R3HCC1: variants seen among roughly 807,000 people sequenced by gnomAD.
The protein encoded by R3HCC1 is R3H and coiled-coil domain-containing protein 1.
A neutral mutation model predicts 40.0 loss-of-function variants in R3HCC1; 32 were observed. That is an observed-to-expected ratio of 0.80 (90% CI 0.60 to 1.07). R3HCC1 has a LOEUF of 1.07. Ranked by LOEUF, R3HCC1 falls within the 50% of genes least tolerant of loss-of-function variation. R3HCC1 has a pLI of 0.00. For synonymous variants in R3HCC1, 237 were observed against 232.8 expected, an observed-to-expected ratio of 1.02 and a Z score of -0.17; for missense variants, 586 against 563.3, an observed-to-expected ratio of 1.04 and a Z score of -0.41.
Position 23,288,549 on chromosome 8 carries a change from T to C in R3HCC1, c.26T>C (p.Val9Ala). 2 of 1,535,984 alleles carry C rather than the reference T, an allele frequency of 1.3e-6. No homozygotes were observed. Among genetic ancestry groups the C allele is most frequent in the Non-Finnish European group, 1.7e-6 (2 of 1,146,858 alleles). The change falls in exon 2 of 8, where the codon GTC (valine) becomes GCC (alanine). Residue 9 changes from valine to alanine, a missense_variant. Physicochemically the swap from Val to Ala is moderately conservative, Grantham distance 64 (BLOSUM62 0). Coordinates refer to ENST00000265806, the MANE Select transcript of R3HCC1 (RefSeq NM_001136108.3). ...CTGGCCCTTCTCTGCTTGGATGGTG[T>C]CTTCCTCTCCTCAGCCGAGAATGAC...
intron 5 of R3HCC1, among the ~76,000 whole-genome samples, chr8:23,292,960 C>T (rs1294147033): frequency 1.3e-5 from 2 of 152,230 alleles, no homozygotes; most frequent in Middle Eastern, 3.2e-3. Flanking sequence ...TCTTCCCCAG[C>T]CTCAGACACC....
intron 3 of R3HCC1, 127 bp downstream of exon 3, chr8:23,289,280 G>C (rs1368517272): frequency 7.9e-5 from 82 of 1,040,586 alleles, no homozygotes; most frequent in Non-Finnish European, 1.1e-4. Context: ...GCCATTCCTA[G>C]CTGCAGCTGC....
intron 3 of R3HCC1, 77 bp downstream of exon 3, chr8:23,289,230 GCAGGGCTGGGGGGAAC>G (rs1585331730): frequency 6.7e-7 from 1 of 1,484,856 alleles, no homozygotes; most frequent in African/African-American, 1.4e-5. Context: ...CTTTGGAAGG[GCAGGGCTGGGGGGAAC>G]CAGGGCTGGG....
At chr8:23,295,489 T>A (rs1309875272) in intron 7 of R3HCC1, 4 of 457,718 alleles carry the variant, frequency 8.7e-6, no homozygotes, top group African/African-American at 8.0e-5. Context: ...AGACACGAGT[T>A]TTCCATGACT....
In R3HCC1 at chr8:23,288,125, C is replaced by A; in HGVS notation, c.-51C>A. 1 of 1,258,332 alleles carries A rather than the reference C, an allele frequency of 7.9e-7. No individual in the cohort carries two copies. Among genetic ancestry groups the A allele is most frequent in the East Asian group, 5.7e-5 (1 of 17,498 alleles). 77.9% of individuals were successfully genotyped at this position (1,258,332 alleles called of 1,614,324 possible). ...TCGGGCGCGCTGGCCCCTGGGGACG[C>A]CGAGGGCGGCTGCGACGCGCCGAGA... On this transcript the variant is annotated 5_prime_UTR_variant, in exon 1 of 8. Transcript: ENST00000265806.
At position 23,293,512 on chromosome 8, in the gene R3HCC1, C is replaced by T. The variant is rs1802918470; in HGVS notation, c.1096+139C>T. ...AGGCTCTGGGGGTTTTGTTCCCAGC[C>T]TAAAACCCAGGGGGAGCTGAGCGGT... On this transcript the variant is annotated intron_variant, in intron 6 of 7. Transcript: ENST00000265806. The T allele has an allele frequency of 5.6e-5, 37 of 658,512 alleles. No individual in the cohort carries two copies. The South Asian group carries it at 7.2e-4, about 13-fold the overall frequency. 40.8% of individuals were successfully genotyped at this position (658,512 alleles called of 1,614,324 possible).
At position 23,291,553 on chromosome 8, in the gene R3HCC1, G is replaced by A. The variant is rs759547602; in HGVS notation, c.1025+20G>A. On this transcript the variant is annotated intron_variant, in intron 5 of 7. Transcript: ENST00000265806. The stretch of plus-strand genomic sequence containing the variant: ...GTTCCAGTGAGTGGTGGCTGGGGAG[G>A]TGCTGCCTTCAGAGAGGAGCTAAGA... The A allele has an allele frequency of 8.4e-6, 13 of 1,549,368 alleles. No individual in the cohort carries two copies. The highest frequency in any genetic ancestry group is 2.0e-5 in the Admixed American group (1 of 50,970).
intron 7 of R3HCC1, among the ~76,000 whole-genome samples, chr8:23,295,181 G>A (rs964250228): frequency 6.6e-6 from 1 of 152,088 alleles, no homozygotes; most frequent in Non-Finnish European, 1.5e-5. Context: ...TCCTTCTTCT[G>A]GAGGGCCCTG....
At chr8:23,288,678 C>CAGGG (rs1235330969) in intron 2 of R3HCC1, 45 bp downstream of exon 2, 1 of 1,528,606 alleles carries the variant, frequency 6.5e-7, no homozygotes, top group Non-Finnish European at 8.8e-7. Flanking sequence ...CTGGGAAGGG[C>CAGGG]AGGGTTCCCG....
chr8:23,295,729 CAGAG>C (rs1170035948), intron 7 of R3HCC1: 2 of 585,754 alleles, frequency 3.4e-6, no homozygotes, highest in Middle Eastern at 4.6e-4. Flanking sequence ...ACTGTAGAGA[CAGAG>C]AAACAAGGGC....
rs1802779811 is a variant in R3HCC1, at chr8:23,288,153, C to T, written c.-23C>T. The stretch of plus-strand genomic sequence containing the variant: ...AGGGCGGCTGCGACGCGCCGAGAGG[C>T]CGCGGTGAGTGCAGCAGCACTGGGG... On this transcript the variant is annotated 5_prime_UTR_variant, in exon 1 of 8. Transcript: ENST00000265806. 14 of 1,248,876 alleles carry T rather than the reference C, an allele frequency of 1.1e-5. No individual in the cohort carries two copies. The highest frequency in any genetic ancestry group is 1.4e-5 in the South Asian group (1 of 73,284). 77.4% of individuals were successfully genotyped at this position (1,248,876 alleles called of 1,614,324 possible).
chr8:23,295,860 T>A, intron 7 of R3HCC1, 107 bp from the exon 8 acceptor site: 1 of 1,403,986 alleles, frequency 7.1e-7, no homozygotes. Flanking sequence ...GCCCCACATG[T>A]GTCACATGAG....
At position 23,290,014 on chromosome 8, in the gene R3HCC1, C is replaced by T. The variant is rs1452833963; in HGVS notation, c.397C>T (p.Pro133Ser). ...TGGCCGGTGGTATCGTGGACGCAAG[C>T]CTGACCAGCCTTTGTATGTGCCCCG... The change falls in exon 4 of 8, where the codon CCT (proline) becomes TCT (serine). Residue 133 changes from proline (P) to serine (S), a missense_variant. Pro to Ser is a moderately conservative substitution (Grantham distance 74). Transcript: ENST00000265806. 7 of 1,539,298 alleles carry T rather than the reference C, an allele frequency of 4.5e-6. No individual in the cohort carries two copies. In the African/African-American group the frequency reaches 9.6e-5, roughly 21 times the overall value.
intron 4 of R3HCC1, chr8:23,291,151 C>T: frequency 2.0e-6 from 1 of 512,072 alleles, no homozygotes; most frequent in Non-Finnish European, 3.4e-6. Context: ...TTGCCAGTCA[C>T]TTAGTGGGGA....
chr8:23,289,806 TA>T (rs1802819396), intron 3 of R3HCC1, 59 bp from the exon 4 acceptor site: 7 of 1,440,164 alleles, frequency 4.9e-6, no homozygotes, highest in Non-Finnish European at 6.4e-6. Context: ...GTGGCTCTAG[TA>T]AATCATTTTC....
chr8:23,288,954 G>A (rs1345089703), intron 2 of R3HCC1, 62 bp from the exon 3 acceptor site: 2 of 1,516,848 alleles, frequency 1.3e-6, no homozygotes, highest in African/African-American at 2.8e-5. Context: ...TAACCTGGGA[G>A]TGGACCTGGT....
chr8:23,290,288 A>G lies in R3HCC1; in HGVS notation c.671A>G (p.Lys224Arg). Residue 224 changes from lysine (K) to arginine (R), a missense_variant, in exon 4 of 8, where the codon AAG becomes AGG. Physicochemically the swap from Lys to Arg is conservative, Grantham distance 26. Transcript: ENST00000265806. ...CTGGGGCCTGAGAGTCAGTCAGGGA[A>G]GGGAGACATGGTGGAGATGGCCACA... The G allele has an allele frequency of 6.4e-7, 1 of 1,551,774 alleles. No individual in the cohort carries two copies. The highest frequency in any genetic ancestry group is 8.7e-7 in the Non-Finnish European group (1 of 1,146,998).
chr8:23,291,004 G>A, intron 4 of R3HCC1: 1 of 215,298 alleles, frequency 4.6e-6, no homozygotes, highest in Non-Finnish European at 9.4e-6. Flanking sequence ...AAAGTTCTTG[G>A]ACTTGCCCAG....
At chr8:23,295,227 C>G (rs11776678) in intron 7 of R3HCC1, among the ~76,000 whole-genome samples, 6 of 152,166 alleles carry the variant, frequency 3.9e-5, no homozygotes, top group Admixed American at 2.0e-4. Context: ...AGGGCCTGGG[C>G]TTTGGGGTCC....
Sources: gnomAD v4.1 joint callset for allele counts (sites outside exome capture counted in the v4.1 genomes callset) on GRCh38, gnomAD v4.1.1 for gene constraint, MANE v1.5 for transcripts, NCBI Gene and HGNC (gene_info 2026-07-23, HGNC 2026-07-21) for gene names.